ZNF721: variants seen among roughly 807,000 people sequenced by gnomAD.
The protein encoded by ZNF721 is zinc finger protein 721.
ZNF721 carries 2 observed loss-of-function variants against 2.4 expected under a neutral mutation model. The ratio of observed to expected loss-of-function variants is 0.82; its 90% confidence interval spans 0.34 to 2.58. ZNF721 has a LOEUF of 2.58. Among genes scored for constraint, ZNF721 ranks in the 30% most tolerant of loss-of-function variants. The pLI is 0.11. For missense variants in ZNF721, 1,187 were observed against 1,085.5 expected (o/e 1.09, Z -1.31); for synonymous variants, 398 against 381.8 (o/e 1.04, Z -0.50).
At chr4:466,382 C>T (rs1715251691) in intron 2 of ZNF721, among the ~76,000 whole-genome samples, 1 of 152,184 alleles carries the variant, frequency 6.6e-6, no homozygotes, top group Non-Finnish European at 1.5e-5. Flanking sequence ...ACTCCCCAGG[C>T]TCTCCATCTT....
intron 1 of ZNF721, among the ~76,000 whole-genome samples, chr4:480,940 T>C (rs1715756648): frequency 1.3e-5 from 2 of 152,138 alleles, no homozygotes; most frequent in Admixed American, 1.3e-4. Context: ...ATTTCATTTT[T>C]CTGATAGCAT....
chr4:486,609 G>A (rs1715904100), intron 1 of ZNF721, among the ~76,000 whole-genome samples: 1 of 152,192 alleles, frequency 6.6e-6, no homozygotes, highest in Non-Finnish European at 1.5e-5. Context: ...CTATTGCTAT[G>A]TCATTTGTCT....
chr4:480,703 T>G (rs1044384870), intron 1 of ZNF721, among the ~76,000 whole-genome samples: 1 of 152,166 alleles, frequency 6.6e-6, no homozygotes, highest in Non-Finnish European at 1.5e-5. Flanking sequence ...GTTTTATACT[T>G]TCTGTAGCAT....
chr4:445,352 CAA>C (rs1282955132), intron 2 of ZNF721, among the ~76,000 whole-genome samples: 3 of 152,138 alleles, frequency 2.0e-5, no homozygotes, highest in Non-Finnish European at 4.4e-5. Flanking sequence ...AAATTCCAGA[CAA>C]GAGACATCCT....
chr4:473,432 C>CG (rs1165638184), intron 1 of ZNF721, among the ~76,000 whole-genome samples: 2 of 152,144 alleles, frequency 1.3e-5, no homozygotes, highest in African/African-American at 4.8e-5. Flanking sequence ...GGAGCAGCCA[C>CG]GCGGAGGAGG....
intron 1 of ZNF721, among the ~76,000 whole-genome samples, chr4:482,454 C>T (rs1469282954): frequency 3.3e-5 from 5 of 152,152 alleles, no homozygotes; most frequent in Admixed American, 6.5e-5. Flanking sequence ...CATGAGCCAC[C>T]GCGCCCGGCC....
At chr4:475,776 T>C (rs1360781644) in intron 1 of ZNF721, among the ~76,000 whole-genome samples, 1 of 151,974 alleles carries the variant, frequency 6.6e-6, no homozygotes, top group African/African-American at 2.4e-5. Context: ...GAGACCTCAC[T>C]ATACCAAAGC....
At position 441,670 on chromosome 4, in the gene ZNF721, T is replaced by C. The variant is rs372344528; in HGVS notation, c.*25A>G. On this transcript the variant is annotated 3_prime_UTR_variant, in exon 3 of 3. Transcript: ENST00000511833. ...TCTTATGTTTAAGAATGCTGTAGTA[T>C]GACTTAAAGGCTTTGCCACATTCTT... The C allele has an allele frequency of 2.1e-5, 33 of 1,555,592 alleles. No individual in the cohort carries two copies. The highest frequency in any genetic ancestry group is 2.8e-5 in the Non-Finnish European group (32 of 1,144,836).
intron 2 of ZNF721, among the ~76,000 whole-genome samples, chr4:469,926 G>A (rs1660204964): frequency 1.3e-5 from 2 of 152,152 alleles, no homozygotes; most frequent in African/African-American, 2.4e-5. Flanking sequence ...CTGTTGCCCA[G>A]ACTGGAGTGC....
intron 1 of ZNF721, among the ~76,000 whole-genome samples, chr4:482,136 T>C (rs1454012521): frequency 2.6e-5 from 4 of 152,198 alleles, no homozygotes; most frequent in Non-Finnish European, 2.9e-5. Flanking sequence ...ATATTGCACA[T>C]GCATTTTGAT....
At chr4:460,646 C>A (rs58998338) in intron 2 of ZNF721, among the ~76,000 whole-genome samples, 21,942 of 140,822 alleles carry the variant, frequency 0.16, 2,187 homozygotes, top group African/African-American at 0.3. Flanking sequence ...AAAAAAAAAT[C>A]AACAAATCCA....
chr4:444,098 G>A lies in ZNF721; in HGVS notation c.369C>T (p.Asp123=). 1.2e-6 allele frequency: 2 copies of A among 1,614,132 alleles called. No homozygotes were observed. Among genetic ancestry groups the A allele is most frequent in the Non-Finnish European group, 1.7e-6 (2 of 1,180,018 alleles). ...ECGKSFQKFS[D]LTQHKGIHAG... ...CATGAATTCCTTTATGTTGAGTTAG[G>A]TCTGAGAACTTCTGAAATGACTTGC... Residue 123 remains aspartate, a synonymous_variant, in exon 3 of 3, where the codon GAC becomes GAT. Transcript: ENST00000511833.
intron 1 of ZNF721, chr4:474,122 C>T: frequency 1.8e-6 from 2 of 1,092,696 alleles, no homozygotes; most frequent in Non-Finnish European, 2.5e-6. Flanking sequence ...GAGGCCCTAA[C>T]CGAGCTCAGG....
At chr4:481,475 T>C (rs1715767737) in intron 1 of ZNF721, among the ~76,000 whole-genome samples, 1 of 152,234 alleles carries the variant, frequency 6.6e-6, no homozygotes, top group African/African-American at 2.4e-5. Flanking sequence ...CATAGCTTCC[T>C]TTGGGAAATG....
chr4:469,801 G>C (rs1178214893), intron 2 of ZNF721, among the ~76,000 whole-genome samples: 3 of 152,164 alleles, frequency 2.0e-5, no homozygotes, highest in African/African-American at 7.2e-5. Flanking sequence ...TTGGCAAGGG[G>C]ATCATGAATA....
rs573263211 is a variant in ZNF721, at chr4:499,080, G to T, written c.-118C>A. 2.1e-5 allele frequency: 11 copies of T among 534,958 alleles called. No homozygotes were observed. The highest frequency in any genetic ancestry group is 3.6e-5 in the Non-Finnish European group (11 of 306,792). The allele number at this position is 534,958 out of a possible 1,614,324, so 33.1% of individuals were successfully genotyped here. Reference sequence around the variant, plus strand: ...CCTCGCCGTGGGCGGCGACCGTCGCGGACTCGCCGGGAAGACGGCCCCACG... The same window carrying T: ...CCTCGCCGTGGGCGGCGACCGTCGCTGACTCGCCGGGAAGACGGCCCCACG... On this transcript the variant is annotated 5_prime_UTR_variant, in exon 1 of 3. Coordinates refer to ENST00000511833, the MANE Select transcript of ZNF721 (RefSeq NM_133474.4).
At chr4:481,110 T>G (rs1715760855) in intron 1 of ZNF721, among the ~76,000 whole-genome samples, 1 of 152,146 alleles carries the variant, frequency 6.6e-6, no homozygotes, top group South Asian at 2.1e-4. Context: ...TTTGTAGAGA[T>G]GGGGTCTCAC....
At chr4:468,343 T>C (rs556589216) in intron 2 of ZNF721, among the ~76,000 whole-genome samples, 25 of 151,054 alleles carry the variant, frequency 1.7e-4, no homozygotes, top group Admixed American at 1.5e-3. Context: ...GGCAGGAGAA[T>C]CGCTTGAACC....
At chr4:455,385 C>T (rs1200220386) in intron 2 of ZNF721, among the ~76,000 whole-genome samples, 3 of 152,004 alleles carry the variant, frequency 2.0e-5, no homozygotes, top group African/African-American at 7.2e-5. Context: ...CTGGCCAACA[C>T]GGTGAAACCC....
Sources: allele counts gnomAD v4.1 joint callset (sites outside exome capture counted in the v4.1 genomes callset), GRCh38; gene constraint gnomAD v4.1.1; transcripts MANE v1.5; gene names NCBI Gene and HGNC (gene_info 2026-07-23, HGNC 2026-07-21).